Variants in BTBD16 observed in about 807,000 individuals in gnomAD.
BTBD16 encodes BTB domain containing 16.
BTBD16 carries 66 observed loss-of-function variants against 67.4 expected under a neutral mutation model. The observed-to-expected ratio is 0.98, with a 90% CI of 0.80 to 1.20. The LOEUF is 1.20. Ranked by LOEUF, BTBD16 falls within the 50% of genes most tolerant of loss-of-function variation. The pLI, the probability that BTBD16 is intolerant of heterozygous loss-of-function variation, is 0.00. For synonymous variants in BTBD16, 242 were observed against 236.4 expected, an observed-to-expected ratio of 1.02 and a Z score of -0.22; for missense variants, 634 against 616.0, an observed-to-expected ratio of 1.03 and a Z score of -0.31.
chr10:122,277,271 AGTC>A (rs2096342916), intron 3 of BTBD16, among the ~76,000 whole-genome samples: 2 of 150,230 alleles, frequency 1.3e-5, no homozygotes, highest in African/African-American at 5.0e-5. Flanking sequence ...AAACTTAGTT[AGTC>A]CTGGCTCAGT....
intron 7 of BTBD16, among the ~76,000 whole-genome samples, chr10:122,296,056 G>A (rs1289078059): frequency 6.6e-6 from 1 of 151,890 alleles, no homozygotes; most frequent in Non-Finnish European, 1.5e-5. Context: ...CATACATTCA[G>A]CTCTGAACTT....
At chr10:122,292,413 GAAGT>G (rs2096375738) in intron 7 of BTBD16, among the ~76,000 whole-genome samples, 4 of 152,346 alleles carry the variant, frequency 2.6e-5, no homozygotes, top group Admixed American at 6.5e-5. Context: ...GGGGCTTTGG[GAAGT>G]AAGTAACTTG....
At chr10:122,297,165 A>G (rs1042921776) in intron 7 of BTBD16, among the ~76,000 whole-genome samples, 1 of 152,252 alleles carries the variant, frequency 6.6e-6, no homozygotes, top group Admixed American at 6.5e-5. Context: ...TATCTGTCTG[A>G]AAGTTGACTT....
rs555423046 is a variant in BTBD16 at position 122,312,980 on chromosome 10, G to A, written c.911+5672G>A. On this transcript the variant is annotated intron_variant, in intron 10 of 15. Coordinates refer to ENST00000260723, the MANE Select transcript of BTBD16 (RefSeq NM_144587.5). Reference sequence around the variant, plus strand: ...CAAACTCTGCCTCTCAGGTTCAAACGATTCTCTTGCCTCAGCCTCCTGAGT... The same window carrying A: ...CAAACTCTGCCTCTCAGGTTCAAACAATTCTCTTGCCTCAGCCTCCTGAGT... Among the ~76,000 whole-genome samples the A allele has an allele frequency of 3.9e-4, 60 of 152,242 alleles. No individual in the cohort carries two copies. In the South Asian group the frequency reaches 8.5e-3, roughly 22 times the overall value.
At chr10:122,286,421 G>T in intron 5 of BTBD16, 173 bp downstream of exon 5, 1 of 606,782 alleles carries the variant, frequency 1.6e-6, no homozygotes, top group Non-Finnish European at 2.1e-6. Context: ...TGTAAAATGG[G>T]GATAATAGTT....
intron 3 of BTBD16, among the ~76,000 whole-genome samples, chr10:122,280,000 C>T (rs901832496): frequency 1.4e-4 from 22 of 152,112 alleles, no homozygotes; most frequent in Non-Finnish European, 3.2e-4. Flanking sequence ...GTTTTCATGA[C>T]GCAGGGAGTT....
At chr10:122,329,727 T>G (rs986283140) in intron 11 of BTBD16, among the ~76,000 whole-genome samples, 156 bp downstream of exon 11, 1 of 152,338 alleles carries the variant, frequency 6.6e-6, no homozygotes, top group Non-Finnish European at 1.5e-5. Flanking sequence ...GGGAAAGTCA[T>G]GTAGCCTCTT....
chr10:122,297,920 C>A, intron 8 of BTBD16, 83 bp downstream of exon 8: 3 of 1,162,672 alleles, frequency 2.6e-6, no homozygotes, highest in Non-Finnish European at 3.8e-6. Flanking sequence ...ACCCACCAGG[C>A]CTACTTCCCC....
At chr10:122,280,558 TTTATATTATA>T (rs71026011) in intron 3 of BTBD16, among the ~76,000 whole-genome samples, 64 of 31,398 alleles carry the variant, frequency 2.0e-3, no homozygotes, top group African/African-American at 0.011. Flanking sequence ...CCCCTATATT[TTTATATTATA>T]TTATATTATA....
chr10:122,297,859 C>A, intron 8 of BTBD16, 22 bp downstream of exon 8: 1 of 1,612,592 alleles, frequency 6.2e-7, no homozygotes. Context: ...CCAGACGGGG[C>A]ACATCGCCCC....
chr10:122,282,464 A>C (rs1410553846), intron 3 of BTBD16, among the ~76,000 whole-genome samples: 1 of 152,208 alleles, frequency 6.6e-6, no homozygotes, highest in Non-Finnish European at 1.5e-5. Context: ...TGCTTCCTGC[A>C]TGCACCCTGA....
At chr10:122,283,966 A>G (rs751854902) in intron 4 of BTBD16, 42 bp downstream of exon 4, 6 of 1,452,474 alleles carry the variant, frequency 4.1e-6, no homozygotes, top group Admixed American at 1.7e-5. Flanking sequence ...AATGTTGCTG[A>G]TTTCAGGGGC....
intron 10 of BTBD16, among the ~76,000 whole-genome samples, chr10:122,309,331 TG>T (rs1394604772): frequency 2.0e-5 from 3 of 150,964 alleles, no homozygotes; most frequent in Non-Finnish European, 4.4e-5. Context: ...TTTGTTTGTT[TG>T]TTTTTTGGTT....
At chr10:122,323,561 A>C (rs936686626) in intron 10 of BTBD16, among the ~76,000 whole-genome samples, 5 of 152,138 alleles carry the variant, frequency 3.3e-5, no homozygotes, top group Admixed American at 1.3e-4. Context: ...GAAGCAGAAA[A>C]TGTCTTCCCA....
intron 10 of BTBD16, chr10:122,327,655 A>G: frequency 1.0e-6 from 1 of 985,096 alleles, no homozygotes; most frequent in African/African-American, 1.7e-5. Flanking sequence ...GCCACTTCCC[A>G]GAGGCCCCAA....
At position 122,334,952 on chromosome 10, in the gene BTBD16, T is replaced by C. The variant is rs10887135; in HGVS notation, c.1236T>C (p.Asp412=). The C allele has an allele frequency of 0.041, 63,901 of 1,548,068 alleles. 3,679 individuals are homozygous for C. The highest frequency in any genetic ancestry group is 0.25 in the East Asian group (10,793 of 44,044). ...TTAAGATAAAGGGACTCAAACATGATACTACCTCTTATAGTTTTTACATGC... is the reference window on the plus strand; with the variant it reads ...TTAAGATAAAGGGACTCAAACATGACACTACCTCTTATAGTTTTTACATGC... ...FFFKIKGLKH[D]TTSYSFYMQR... Residue 412 remains aspartate (D), a synonymous_variant, in exon 14 of 16, where the codon GAT becomes GAC. Coordinates refer to ENST00000260723, the MANE Select transcript of BTBD16 (RefSeq NM_144587.5).
intron 3 of BTBD16, among the ~76,000 whole-genome samples, chr10:122,280,851 G>T (rs1201124390): frequency 1.3e-5 from 2 of 152,144 alleles, no homozygotes; most frequent in Non-Finnish European, 2.9e-5. Flanking sequence ...TGTTGTCCAG[G>T]CTGGAGTGTA....
At chr10:122,301,714 A>G (rs1393255015) in intron 9 of BTBD16, among the ~76,000 whole-genome samples, 1 of 152,170 alleles carries the variant, frequency 6.6e-6, no homozygotes, top group Admixed American at 6.5e-5. Context: ...ACCATGACCC[A>G]CAGCTGTTTC....
intron 10 of BTBD16, among the ~76,000 whole-genome samples, chr10:122,320,330 GT>G (rs1169545294): frequency 6.6e-6 from 1 of 151,872 alleles, no homozygotes; most frequent in African/African-American, 2.4e-5. Flanking sequence ...TTAACTATAG[GT>G]TTTTTATAGA....
Sources: allele counts gnomAD v4.1 joint callset (sites outside exome capture counted in the v4.1 genomes callset), GRCh38; gene constraint gnomAD v4.1.1; transcripts MANE v1.5; gene names NCBI Gene and HGNC (gene_info 2026-07-23, HGNC 2026-07-21).